Variants in ESR1 observed in about 807,000 individuals in gnomAD.
ESR1 encodes estrogen receptor.
In ESR1, 12 loss-of-function variants were observed where a neutral mutation model predicts 52.7. The ratio of observed to expected loss-of-function variants is 0.23; its 90% CI spans 0.15 to 0.37. The LOEUF is 0.37. ESR1 is among the 10% of genes least tolerant of loss of function. The pLI, the probability that ESR1 is intolerant of heterozygous loss-of-function variation, is 1.00. For missense variants in ESR1, 584 were observed against 779.7 expected (o/e 0.75, Z 2.99); for synonymous variants, 305 against 316.8 (o/e 0.96, Z 0.39).
chr6:151,830,918 C>T (rs1430462999), intron 1 of ESR1, among the ~76,000 whole-genome samples: 2 of 151,938 alleles, frequency 1.3e-5, no homozygotes, highest in Non-Finnish European at 2.9e-5. Flanking sequence ...AATGATGCAT[C>T]ATTTTCTATT....
At chr6:151,944,559 G>C (rs2035481922) in intron 4 of ESR1, 51 bp downstream of exon 4, 1 of 1,517,348 alleles carries the variant, frequency 6.6e-7, no homozygotes, top group Non-Finnish European at 9.1e-7. Context: ...TCAAGAACTT[G>C]TTGTGATGTC....
rs1048744449 is a variant in ESR1 at position 152,103,091 on chromosome 6, A to C, written c.*4125A>C. The C allele has an allele frequency of 3.2e-5, 7 of 220,016 alleles. No homozygotes were observed. The highest frequency in any genetic ancestry group is 1.6e-4 in the African/African-American group (7 of 44,542). 13.6% of individuals were successfully genotyped at this position (220,016 alleles called of 1,614,324 possible). A position where few individuals can be genotyped will look rare whatever the true frequency, so the allele number is the denominator to read the frequency against. Reference sequence around the variant, plus strand: ...ATGCCAAATTGTGTTTGATGGATTAATATGCCCTTTTGCCGATGCATACTA... The same window carrying C: ...ATGCCAAATTGTGTTTGATGGATTACTATGCCCTTTTGCCGATGCATACTA... On this transcript the variant is annotated 3_prime_UTR_variant, in exon 8 of 8. Transcript: ENST00000206249.
At chr6:151,772,068 GT>G (rs1785566025) in intron 2 of ESR1, among the ~76,000 whole-genome samples, 1 of 152,160 alleles carries the variant, frequency 6.6e-6, no homozygotes, top group East Asian at 1.9e-4. Context: ...TTTTGGTTTT[GT>G]TACTAACAAA....
intron 3 of ESR1, among the ~76,000 whole-genome samples, chr6:151,915,729 A>G (rs1352559388): frequency 1.3e-5 from 2 of 152,174 alleles, no homozygotes; most frequent in African/African-American, 4.8e-5. Context: ...AAAATATTAT[A>G]AATGTATCTT....
chr6:151,744,640 A>G (rs1454374763), intron 2 of ESR1, among the ~76,000 whole-genome samples: 1 of 152,200 alleles, frequency 6.6e-6, no homozygotes, highest in African/African-American at 2.4e-5. Context: ...TATGATTTGT[A>G]AATATTTTCT....
chr6:151,932,774 C>A (rs1397330036), intron 3 of ESR1, among the ~76,000 whole-genome samples: 1 of 151,074 alleles, frequency 6.6e-6, no homozygotes, highest in African/African-American at 2.4e-5. Flanking sequence ...AGGTATGCGG[C>A]GTTATTTCTG....
At chr6:151,684,444 G>A (rs1368189694) in intron 1 of ESR1, among the ~76,000 whole-genome samples, 2 of 152,160 alleles carry the variant, frequency 1.3e-5, no homozygotes, top group Non-Finnish European at 2.9e-5. Flanking sequence ...ATCTGGTGAA[G>A]GTATGTTGGA....
In ESR1 at chr6:152,099,055, T is replaced by A; in HGVS notation, c.*89T>A. On this transcript the variant is annotated 3_prime_UTR_variant, in exon 8 of 8. Coordinates refer to ENST00000206249, the MANE Select transcript of ESR1 (RefSeq NM_000125.4). ...CTTTAGCCAAATTCTGTCTCCTGCA[T>A]ACACTCCGGCATGCATCCAACACCA... is the stretch of plus-strand genomic sequence containing the variant. 9.6e-7 allele frequency: 1 copy of A among 1,040,466 alleles called. No homozygotes were observed. Among genetic ancestry groups the A allele is most frequent in the Non-Finnish European group, 1.5e-6 (1 of 683,466 alleles). 64.5% of individuals were successfully genotyped at this position (1,040,466 alleles called of 1,614,324 possible). A position where few individuals can be genotyped will look rare whatever the true frequency, so the allele number is the denominator to read the frequency against.
chr6:151,688,021 T>C (rs963149455), upstream of ESR1, among the ~76,000 whole-genome samples: 2 of 152,226 alleles, frequency 1.3e-5, no homozygotes, highest in African/African-American at 2.4e-5. Context: ...TCTTTTTTAA[T>C]TGTTCAACCT....
In ESR1 at chr6:152,064,618, T is replaced by C. The variant is rs183518618; in HGVS notation, c.1369+3494T>C. On this transcript the variant is annotated intron_variant, in intron 6 of 7. Coordinates refer to ENST00000206249, the MANE Select transcript of ESR1 (RefSeq NM_000125.4). ...AGGTATACAAAACTGAATGTTACTG[T>C]TGTGTGGGGTTTTTTTCTTTGCATT... Among the ~76,000 whole-genome samples the C allele has an allele frequency of 6.3e-4, 96 of 152,302 alleles. 1 individual carries two copies. The highest frequency in any genetic ancestry group is 7.3e-4 in the Non-Finnish European group (50 of 68,030).
At chr6:151,689,236 T>G (rs17840349), upstream of ESR1, among the ~76,000 whole-genome samples, 11 of 57,262 alleles carry the variant, frequency 1.9e-4, no homozygotes, top group African/African-American at 4.2e-4. Flanking sequence ...TTAGAAAAAA[T>G]ATTTCGCTTT....
chr6:151,753,890 T>C (rs1784089326), intron 2 of ESR1, among the ~76,000 whole-genome samples: 1 of 152,210 alleles, frequency 6.6e-6, no homozygotes, highest in Non-Finnish European at 1.5e-5. Flanking sequence ...GGCCTGTTCC[T>C]AGAATCCATT....
intron 4 of ESR1, among the ~76,000 whole-genome samples, chr6:151,974,241 T>C (rs1343218570): frequency 6.6e-6 from 1 of 152,200 alleles, no homozygotes; most frequent in African/African-American, 2.4e-5. Flanking sequence ...AATTTAATCA[T>C]TGAGATAAGA....
At chr6:151,753,596 G>T (rs1398411867) in intron 2 of ESR1, among the ~76,000 whole-genome samples, 1 of 152,178 alleles carries the variant, frequency 6.6e-6, no homozygotes, top group African/African-American at 2.4e-5. Flanking sequence ...GGGATTACAG[G>T]CATAAGCCAC....
chr6:151,671,243 T>C lies in ESR1; in HGVS notation n.73+14480T>C, dbSNP rs190022414. 1.7e-3 allele frequency among the ~76,000 whole-genome samples: 263 copies of C among 152,330 alleles called. 3 individuals carry two copies. Among genetic ancestry groups the C allele is most frequent in the Non-Finnish European group, 8.1e-4 (55 of 68,020 alleles). Reference sequence around the variant, plus strand: ...TTTCTCTGCACCCCCATGTTCACTGTAGCATTATGCACAATAGTCAAGATA... The same window carrying C: ...TTTCTCTGCACCCCCATGTTCACTGCAGCATTATGCACAATAGTCAAGATA... On this transcript the variant is annotated intron_variant and non_coding_transcript_variant, in intron 1 of 2. Coordinates refer to the ESR1 transcript ENST00000473497.
chr6:152,117,663 T>C (rs1585281365), intron 6 of ESR1, among the ~76,000 whole-genome samples: 1 of 152,214 alleles, frequency 6.6e-6, no homozygotes, highest in East Asian at 1.9e-4. Flanking sequence ...ATCACCCTGC[T>C]TCTCATTAAT....
At chr6:151,899,555 G>A (rs1425860908) in intron 3 of ESR1, among the ~76,000 whole-genome samples, 1 of 148,750 alleles carries the variant, frequency 6.7e-6, no homozygotes, top group Non-Finnish European at 1.5e-5. Context: ...CCCGGACGGG[G>A]CGGCTGGCCG....
intron 7 of ESR1, among the ~76,000 whole-genome samples, chr6:152,095,717 A>C (rs561081263): frequency 6.6e-6 from 1 of 152,200 alleles, no homozygotes; most frequent in Non-Finnish European, 1.5e-5. Context: ...CACTCCTTGC[A>C]GGAAGCATCT....
rs1346688740 is a variant in ESR1, at chr6:152,098,102, G to C, written c.1554-630G>C. Among the ~76,000 whole-genome samples the C allele has an allele frequency of 1.3e-5, 2 of 151,846 alleles. No individual in the cohort carries two copies. The highest frequency in any genetic ancestry group is 4.8e-5 in the African/African-American group (2 of 41,332). On this transcript the variant is annotated intron_variant, in intron 7 of 7. Transcript: ENST00000206249. The surrounding 1 kb of genome is among the most constrained non-coding windows in gnomAD (Gnocchi z 5.1). ...TGTAGGTCCCCTAAGTCTTGGGGGA[G>C]CTTAGTTCCTTTAAGGGCAGCACAA...
Sources: gnomAD v4.1 joint callset for allele counts (sites outside exome capture counted in the v4.1 genomes callset) on GRCh38, gnomAD v4.1.1 for gene constraint, Gnocchi (gnomAD v3.1) non-coding constraint, MANE v1.5 for transcripts, NCBI Gene and HGNC (gene_info 2026-07-23, HGNC 2026-07-21) for gene names.